Variants in PPP6R2 observed in about 807,000 individuals in gnomAD.
PPP6R2 encodes serine/threonine-protein phosphatase 6 regulatory subunit 2.
In PPP6R2, 62 loss-of-function variants were observed where a neutral mutation model predicts 100.2. That is an observed-to-expected ratio of 0.62 (90% CI 0.50 to 0.76). The LOEUF is 0.76. Ranked by LOEUF, PPP6R2 falls within the 30% of genes least tolerant of loss-of-function variation. PPP6R2 has a pLI of 0.00. For missense variants in PPP6R2, 1,142 were observed against 1,276.3 expected (o/e 0.89, Z 1.60); for synonymous variants, 525 against 514.7 (o/e 1.02, Z -0.27).
chr22:50,406,822 G>T lies in PPP6R2; in HGVS notation c.361G>T (p.Ala121Ser), dbSNP rs141219176. ...TGAGCCGCCTCTCAATCCTCTGCTC[G>T]CCAGTTTTTTCAGCAAGACCATTGG... ...DHEPPLNPLL[A>S]SFFSKTIGNL... Residue 121 changes from alanine (A) to serine (S), a missense_variant, in exon 4 of 24, where the codon GCC becomes TCC. Physicochemically the swap from Ala to Ser is moderately conservative, Grantham distance 99. Coordinates refer to ENST00000612753, the MANE Select transcript of PPP6R2 (RefSeq NM_001242898.2). The T allele has an allele frequency of 7.4e-6, 12 of 1,614,070 alleles. No homozygotes were observed. Among genetic ancestry groups the T allele is most frequent in the Non-Finnish European group, 1.0e-5 (12 of 1,179,980 alleles).
At chr22:50,339,351 T>TGC (rs1355592003), upstream of PPP6R2, among the ~76,000 whole-genome samples, 1 of 143,894 alleles carries the variant, frequency 6.9e-6, no homozygotes, top group African/African-American at 2.6e-5. Flanking sequence ...ATGTAGTGTG[T>TGC]GGTATGTGGT....
At chr22:50,416,187 A>G (rs768068966) in intron 6 of PPP6R2, 30 bp downstream of exon 6, 11 of 1,599,618 alleles carry the variant, frequency 6.9e-6, no homozygotes, top group Admixed American at 1.7e-5. Flanking sequence ...AGCTTCGTGC[A>G]TCAGTCCAGG....
chr22:50,436,840 A>T (rs745505417), intron 14 of PPP6R2, 148 bp from the exon 15 acceptor site: 2 of 702,572 alleles, frequency 2.8e-6, no homozygotes, highest in Non-Finnish European at 2.5e-6. Flanking sequence ...CTTACACAGC[A>T]CGGCCTCCTG....
At chr22:50,422,220 G>A (rs759203824) in intron 8 of PPP6R2, 34 bp from the exon 9 acceptor site, 2 of 1,604,704 alleles carry the variant, frequency 1.2e-6, no homozygotes, top group South Asian at 1.1e-5. Context: ...GGGTCCTGGT[G>A]TCCCCGGTCT....
chr22:50,390,953 C>T (rs1365383281), intron 2 of PPP6R2, among the ~76,000 whole-genome samples: 2 of 149,270 alleles, frequency 1.3e-5, no homozygotes, highest in Non-Finnish European at 3.0e-5. Flanking sequence ...GAGCCGAGGT[C>T]GTGCCACTGC....
At chr22:50,402,065 G>A (rs984079422) in intron 3 of PPP6R2, among the ~76,000 whole-genome samples, 3 of 152,030 alleles carry the variant, frequency 2.0e-5, no homozygotes, top group African/African-American at 7.2e-5. Flanking sequence ...GTTTCCTTCT[G>A]TTCTCTACAC....
chr22:50,337,875 ATG>A, the PPP6R2 span, among the ~76,000 whole-genome samples: 2 of 65,388 alleles, frequency 3.1e-5, no homozygotes, highest in African/African-American at 6.3e-5. Context: ...TGTGTGGTGT[ATG>A]TGTGGTGTGT....
intron 15 of PPP6R2, 22 bp from the exon 16 acceptor site, chr22:50,437,484 T>TCCCACC: frequency 3.7e-6 from 2 of 542,132 alleles, no homozygotes; most frequent in East Asian, 4.4e-5. Context: ...TGTCCGTCCC[T>TCCCACC]CCCTCCCTCC....
At chr22:50,399,504 G>A (rs904205557) in intron 3 of PPP6R2, among the ~76,000 whole-genome samples, 1 of 152,248 alleles carries the variant, frequency 6.6e-6, no homozygotes, top group African/African-American at 2.4e-5. Flanking sequence ...GTTAGCCTTG[G>A]AGGTCAGGGT....
intron 4 of PPP6R2, among the ~76,000 whole-genome samples, chr22:50,412,675 T>TGGAGTGCAGCAAGA (rs2059930675): frequency 8.4e-6 from 1 of 118,392 alleles, no homozygotes; most frequent in African/African-American, 3.3e-5. Flanking sequence ...GGAGTCTTGC[T>TGGAGTGCAGCAAGA]CTGTCACCCA....
chr22:50,438,387 G>C (rs1258899461), intron 18 of PPP6R2, 89 bp downstream of exon 18: 1 of 1,543,588 alleles, frequency 6.5e-7, no homozygotes, highest in Non-Finnish European at 8.7e-7. Flanking sequence ...TCGTTAGCTG[G>C]CTTGCAGAGC....
rs1329378008 is a variant in PPP6R2, at chr22:50,415,965, C to G, written c.553-127C>G. The G allele has an allele frequency of 6.2e-6, 5 of 810,754 alleles. No homozygotes were observed. In the East Asian group the frequency reaches 7.4e-5, roughly 12 times the overall value. 50.2% of individuals were successfully genotyped at this position (810,754 alleles called of 1,614,324 possible). A position where few individuals can be genotyped will look rare whatever the true frequency, so the allele number is the denominator to read the frequency against. ...TGTGTTATGTGTGTTCTTTCTGGGT[C>G]TGGGGTGTGTCAGGCAAAGAGTCTA... On this transcript the variant is annotated intron_variant, in intron 5 of 23. Coordinates refer to ENST00000612753, the MANE Select transcript of PPP6R2 (RefSeq NM_001242898.2).
the PPP6R2 span, among the ~76,000 whole-genome samples, chr22:50,335,717 C>G: frequency 0.031 from 4,138 of 132,690 alleles, 429 homozygotes; most frequent in South Asian, 0.14. Flanking sequence ...GCTCTGTCAC[C>G]CAGGCTTGAG....
chr22:50,441,559 T>C (rs1238342159), intron 22 of PPP6R2, among the ~76,000 whole-genome samples: 2 of 152,072 alleles, frequency 1.3e-5, no homozygotes, highest in Non-Finnish European at 2.9e-5. Context: ...AGAAGCAGGA[T>C]AGTAGGATGG....
intron 1 of PPP6R2, among the ~76,000 whole-genome samples, chr22:50,364,722 GTC>G (rs2048400481): frequency 6.6e-6 from 1 of 152,124 alleles, no homozygotes; most frequent in African/African-American, 2.4e-5. Flanking sequence ...CAGTCAGAGG[GTC>G]TGTGTGTGCA....
Position 50,444,427 on chromosome 22 carries a change from T to TG in PPP6R2, c.*183dup, listed in dbSNP as rs2066592661. The TG allele has an allele frequency of 1.3e-6, 1 of 764,124 alleles. No individual in the cohort carries two copies. The highest frequency in any genetic ancestry group is 1.8e-5 in the African/African-American group (1 of 55,506). The allele number at this position is 764,124 out of a possible 1,614,324, so 47.3% of individuals were successfully genotyped here. A position where few individuals can be genotyped will look rare whatever the true frequency, so the allele number is the denominator to read the frequency against. ...CCAGCTTGCGTCTCTTCTGCCTGAGTGGGCCTCTCAGGTCACTCGTGCCCT... is the reference window on the plus strand; with the variant it reads ...CCAGCTTGCGTCTCTTCTGCCTGAGTGGGGCCTCTCAGGTCACTCGTGCCCT... On this transcript the variant is annotated 3_prime_UTR_variant, in exon 24 of 24. Transcript: ENST00000612753.
intron 1 of PPP6R2, among the ~76,000 whole-genome samples, chr22:50,362,538 T>A (rs1046136742): frequency 4.6e-5 from 7 of 152,094 alleles, no homozygotes; most frequent in Non-Finnish European, 8.8e-5. Flanking sequence ...CCTCATGCCA[T>A]CCTTAGTTGG....
chr22:50,335,114 C>T, the PPP6R2 span, among the ~76,000 whole-genome samples: 1 of 151,194 alleles, frequency 6.6e-6, no homozygotes, highest in African/African-American at 2.4e-5. Context: ...TGCAGTGGCG[C>T]AATCTCGGCT....
At chr22:50,333,756 G>C in the PPP6R2 span, among the ~76,000 whole-genome samples, 1 of 152,194 alleles carries the variant, frequency 6.6e-6, no homozygotes, top group Non-Finnish European at 1.5e-5. Context: ...GCAAGACAAA[G>C]AGATAGAAGA....
Sources: gnomAD v4.1 joint callset for allele counts (sites outside exome capture counted in the v4.1 genomes callset) on GRCh38, gnomAD v4.1.1 for gene constraint, MANE v1.5 for transcripts, NCBI Gene and HGNC (gene_info 2026-07-23, HGNC 2026-07-21) for gene names.